The following STRIP2 variants were observed in gnomAD, a reference collection of about 807,000 sequenced individuals.
STRIP2 encodes the protein striatin-interacting protein 2.
Under a neutral mutation model 107.1 loss-of-function variants are expected in STRIP2, and 84 were observed. The ratio of observed to expected loss-of-function variants is 0.78; its 90% CI spans 0.66 to 0.94. The LOEUF (loss-of-function observed/expected upper bound fraction) is 0.94. Ranked by LOEUF, STRIP2 falls within the 40% of genes least tolerant of loss-of-function variation. The probability of loss-of-function intolerance (pLI) is 0.00; values close to 1 mark genes in which losing one functional copy is unlikely to be tolerated. For synonymous variants in STRIP2, 394 were observed against 400.4 expected, an observed-to-expected ratio of 0.98 and a Z score of 0.19; for missense variants, 888 against 1,034.2, an observed-to-expected ratio of 0.86 and a Z score of 1.94.
At position 129,451,623 on chromosome 7, in the gene STRIP2, G is replaced by A; in HGVS notation, c.285G>A (p.Lys95=). 1 of 1,614,174 alleles carries A rather than the reference G, an allele frequency of 6.2e-7. No homozygotes were observed. Among genetic ancestry groups the A allele is most frequent in the East Asian group, 2.2e-5 (1 of 44,876 alleles). ...EEDFKTQVQG[K]EWLELEEDAQ... is the part of the protein sequence containing the mutation. ...GCCTTTTATTCCCAGTGCAGGGCAA[G>A]GAATGGCTGGAGTTGGAAGAAGATG... Residue 95 remains lysine (K), a synonymous_variant, in exon 4 of 21, where the codon AAG becomes AAA. Transcript: ENST00000249344.
intron 18 of STRIP2, among the ~76,000 whole-genome samples, chr7:129,476,960 G>C (rs1798972914): frequency 1.3e-5 from 2 of 151,408 alleles, no homozygotes; most frequent in South Asian, 4.2e-4. Flanking sequence ...ATCACTCGCG[G>C]TTAGGAGCTG....
chr7:129,451,390 G>A (rs1798187709), intron 3 of STRIP2, among the ~76,000 whole-genome samples: 1 of 152,224 alleles, frequency 6.6e-6, no homozygotes, highest in Non-Finnish European at 1.5e-5. Context: ...GCTGTGTGTG[G>A]AGGACAGAGG....
chr7:129,476,566 C>T (rs190325304), intron 18 of STRIP2, among the ~76,000 whole-genome samples: 1,518 of 151,254 alleles, frequency 0.01, 16 homozygotes, highest in Non-Finnish European at 0.015. Flanking sequence ...AGGCACTCCT[C>T]ACATCCCAGA....
intron 4 of STRIP2, among the ~76,000 whole-genome samples, chr7:129,452,368 A>C (rs1416381707): frequency 6.6e-6 from 1 of 152,164 alleles, no homozygotes; most frequent in Non-Finnish European, 1.5e-5. Context: ...GTGTTAACAG[A>C]ACCAACCAGT....
At chr7:129,462,588 T>A (rs1798569953) in intron 13 of STRIP2, among the ~76,000 whole-genome samples, 1 of 152,208 alleles carries the variant, frequency 6.6e-6, no homozygotes, top group African/African-American at 2.4e-5. Context: ...GTTTCTCCAG[T>A]CCATAGGTTA....
intron 3 of STRIP2, among the ~76,000 whole-genome samples, chr7:129,450,918 CTTTTTTTTTTTTTTTT>C (rs758536953): frequency 2.8e-4 from 15 of 54,510 alleles, no homozygotes; most frequent in Non-Finnish European, 3.5e-4. Context: ...GAGAAAGGTC[CTTTTTTTTTTTTTTTT>C]TTTTTTTTTT....
rs1797673533 is a variant in STRIP2, at chr7:129,434,515, A to T, written c.43A>T (p.Asn15Tyr). ...GCCTGGGACCGGGGGCCCGCCCGCA[A>T]ATGGCAATGGCAACGGCGGCGGCAA... The part of the protein sequence containing the change: ...AAPGTGGPPA[N>Y]GNGNGGGKGK... The change falls in exon 1 of 21, where the codon AAT (asparagine) becomes TAT (tyrosine). Residue 15 changes from asparagine to tyrosine, a missense_variant. By Grantham distance (143) the Asn-to-Tyr change is moderately radical. Transcript: ENST00000249344. The T allele has an allele frequency of 1.3e-6, 2 of 1,517,518 alleles. No homozygotes were observed. The highest frequency in any genetic ancestry group is 1.4e-5 in the African/African-American group (1 of 70,160). The allele number at this position is 1,517,518 out of a possible 1,614,324, so 94.0% of individuals were successfully genotyped here.
chr7:129,475,984 A>C (rs543665967), intron 18 of STRIP2, among the ~76,000 whole-genome samples: 1 of 152,168 alleles, frequency 6.6e-6, no homozygotes, highest in East Asian at 1.9e-4. Flanking sequence ...ACACAGCAAC[A>C]ATCTGATTTC....
chr7:129,459,100 T>A (rs1798452173), intron 11 of STRIP2, among the ~76,000 whole-genome samples: 1 of 152,216 alleles, frequency 6.6e-6, no homozygotes, highest in Non-Finnish European at 1.5e-5. Context: ...TCTAATGGGC[T>A]AAAATTCTGT....
intron 3 of STRIP2, among the ~76,000 whole-genome samples, chr7:129,447,940 TGA>T (rs1467654850): frequency 6.6e-6 from 1 of 152,208 alleles, no homozygotes; most frequent in Middle Eastern, 3.2e-3. Context: ...TTCAAGTCCT[TGA>T]TGATGGCACT....
chr7:129,485,312 C>A (rs1799215782), intron 20 of STRIP2, among the ~76,000 whole-genome samples: 1 of 152,088 alleles, frequency 6.6e-6, no homozygotes, highest in African/African-American at 2.4e-5. Context: ...TTTCCTTTCT[C>A]ATAGGTAACC....
At chr7:129,447,219 G>A (rs577016845) in intron 3 of STRIP2, among the ~76,000 whole-genome samples, 1 of 152,224 alleles carries the variant, frequency 6.6e-6, no homozygotes, top group East Asian at 1.9e-4. Flanking sequence ...AACTGGGTGG[G>A]GTCCAGATAA....
chr7:129,463,927 G>A lies in STRIP2; in HGVS notation c.1552-117G>A, dbSNP rs368023467. The A allele has an allele frequency of 1.5e-5, 11 of 734,402 alleles. No homozygotes were observed. The African/African-American group carries it at 1.9e-4, about 13-fold the overall frequency. 45.5% of individuals were successfully genotyped at this position (734,402 alleles called of 1,614,324 possible). On this transcript the variant is annotated intron_variant, in intron 14 of 20. Coordinates refer to ENST00000249344, the MANE Select transcript of STRIP2 (RefSeq NM_020704.3). ...TGCTGGGGAGATATGGTCATTGAGG[G>A]AAGAACTTACAGAATGGCTTTAAAA...
chr7:129,460,149 T>C, intron 12 of STRIP2, 152 bp from the exon 13 acceptor site: 1 of 614,632 alleles, frequency 1.6e-6, no homozygotes, highest in Non-Finnish European at 2.8e-6. Context: ...GCAGAGGTGA[T>C]TAAGACTCCT....
rs1798311946 is a variant in STRIP2 at position 129,455,259 on chromosome 7, A to G, written c.722A>G (p.Asn241Ser). The G allele has an allele frequency of 6.2e-7, 1 of 1,613,280 alleles. No individual in the cohort carries two copies. The highest frequency in any genetic ancestry group is 1.1e-5 in the South Asian group (1 of 90,958). ...FRTELSFSMHNEEPFALLLFS... is the reference protein window; with the variant it reads ...FRTELSFSMHSEEPFALLLFS... Reference sequence around the variant, plus strand: ...TCACCCCTAGGCTTCTCCATGCATAATGAGGAGCCTTTTGCCCTTTTACTC... The same window carrying G: ...TCACCCCTAGGCTTCTCCATGCATAGTGAGGAGCCTTTTGCCCTTTTACTC... Residue 241 changes from asparagine (N) to serine (S), a missense_variant, in exon 8 of 21, where the codon AAT becomes AGT. Asn to Ser is a conservative substitution (Grantham distance 46). Coordinates refer to ENST00000249344, the MANE Select transcript of STRIP2 (RefSeq NM_020704.3).
chr7:129,464,601 C>T lies in STRIP2; in HGVS notation c.1650-11C>T. The T allele has an allele frequency of 6.2e-7, 1 of 1,613,906 alleles. No homozygotes were observed. Among genetic ancestry groups the T allele is most frequent in the South Asian group, 1.1e-5 (1 of 91,066 alleles). The stretch of plus-strand genomic sequence containing the variant: ...CACTCTCTGCACTAATACCTTCTCT[C>T]CCCATTGTAGCATCACTGTTCTCCA... On this transcript the variant is annotated splice_polypyrimidine_tract_variant and intron_variant, in intron 15 of 20. Transcript: ENST00000249344.
intron 13 of STRIP2, among the ~76,000 whole-genome samples, chr7:129,462,621 A>G (rs1436428485): frequency 6.6e-6 from 1 of 152,134 alleles, no homozygotes; most frequent in African/African-American, 2.4e-5. Flanking sequence ...TTAAACCCAC[A>G]CTATTGAGCC....
At chr7:129,467,544 C>G (rs941274865) in intron 17 of STRIP2, 94 bp downstream of exon 17, 12 of 775,758 alleles carry the variant, frequency 1.5e-5, no homozygotes, top group Non-Finnish European at 1.9e-5. Flanking sequence ...CCTGGTGTCC[C>G]TAGTCCCTCC....
chr7:129,472,363 G>A (rs536646467), intron 18 of STRIP2, among the ~76,000 whole-genome samples: 7 of 152,232 alleles, frequency 4.6e-5, no homozygotes, highest in African/African-American at 1.4e-4. Context: ...TGACCTTTGG[G>A]ATATGTGCAT....
Sources: allele counts gnomAD v4.1 joint callset (sites outside exome capture counted in the v4.1 genomes callset), GRCh38; gene constraint gnomAD v4.1.1; transcripts MANE v1.5; gene names NCBI Gene and HGNC (gene_info 2026-07-23, HGNC 2026-07-21).